The following ZCWPW2 variants were observed in gnomAD, a reference collection of about 807,000 sequenced individuals.
ZCWPW2 encodes zinc finger CW-type PWWP domain protein 2.
Under a neutral mutation model 46.6 loss-of-function variants are expected in ZCWPW2, and 45 were observed. The observed-to-expected ratio is 0.96, with a 90% CI of 0.76 to 1.24. The LOEUF (loss-of-function observed/expected upper bound fraction) is 1.24, where lower values mean the gene tolerates loss of function less well. ZCWPW2 is among the 50% of genes most tolerant of loss of function. The pLI is 0.00. For synonymous variants in ZCWPW2, 152 were observed against 137.1 expected, an observed-to-expected ratio of 1.11 and a Z score of -0.76; for missense variants, 429 against 403.9, an observed-to-expected ratio of 1.06 and a Z score of -0.53.
intron 2 of ZCWPW2, among the ~76,000 whole-genome samples, chr3:28,400,255 G>A (rs990446652): frequency 6.6e-6 from 1 of 151,846 alleles, no homozygotes; most frequent in Non-Finnish European, 1.5e-5. Flanking sequence ...CAACAAAAAA[G>A]AAAATATGAA....
intron 1 of ZCWPW2, among the ~76,000 whole-genome samples, chr3:28,367,841 C>A (rs893185921): frequency 6.6e-6 from 1 of 152,144 alleles, no homozygotes; most frequent in African/African-American, 2.4e-5. Context: ...GTATTGGCTG[C>A]ATATATATTT....
At chr3:28,361,605 T>A (rs894029187) in intron 1 of ZCWPW2, among the ~76,000 whole-genome samples, 2 of 151,730 alleles carry the variant, frequency 1.3e-5, no homozygotes, top group African/African-American at 4.8e-5. Flanking sequence ...ACCTATAGAA[T>A]GGAAGAAAAT....
At chr3:28,371,219 T>C in intron 1 of ZCWPW2, among the ~76,000 whole-genome samples, 1 of 152,202 alleles carries the variant, frequency 6.6e-6, no homozygotes, top group East Asian at 1.9e-4. Flanking sequence ...TATTACAACA[T>C]TCTACCAGTT....
At chr3:28,439,717 A>G (rs1697669992) in intron 4 of ZCWPW2, among the ~76,000 whole-genome samples, 1 of 152,220 alleles carries the variant, frequency 6.6e-6, no homozygotes, top group Non-Finnish European at 1.5e-5. Context: ...TCTTACATAA[A>G]GTTAACAATA....
chr3:28,398,901 C>T (rs1164563160), intron 2 of ZCWPW2, among the ~76,000 whole-genome samples: 1 of 152,224 alleles, frequency 6.6e-6, no homozygotes, highest in Non-Finnish European at 1.5e-5. Context: ...TCCAGCTGAA[C>T]TCTGTAACCA....
At chr3:28,509,883 C>T (rs1700380691) in intron 6 of ZCWPW2, among the ~76,000 whole-genome samples, 2 of 152,010 alleles carry the variant, frequency 1.3e-5, no homozygotes, top group Non-Finnish European at 2.9e-5. Context: ...GCTAAGAAAC[C>T]ATTAACTAAT....
intron 4 of ZCWPW2, among the ~76,000 whole-genome samples, chr3:28,453,849 A>ATTTT (rs202148521): frequency 6.9e-6 from 1 of 144,300 alleles, no homozygotes. Context: ...TTTTTTTATT[A>ATTTT]TTATTTTTTT....
chr3:28,471,062 T>G lies in ZCWPW2; in HGVS notation c.493-7752T>G, dbSNP rs2125796931. 2.0e-5 allele frequency among the ~76,000 whole-genome samples: 3 copies of G among 151,908 alleles called. No homozygotes were observed. In the East Asian group the frequency reaches 5.8e-4, roughly 29 times the overall value. On this transcript the variant is annotated intron_variant, in intron 4 of 9. Coordinates refer to ENST00000383768, the MANE Select transcript of ZCWPW2 (RefSeq NM_001040432.4). ...CTACCAAGATTGCACCACAAAGAAA[T>G]CCACAACTTGAGCAGACCAATAACA... is the stretch of plus-strand genomic sequence containing the variant.
intron 3 of ZCWPW2, among the ~76,000 whole-genome samples, chr3:28,433,777 C>G (rs867255674): frequency 1.3e-5 from 2 of 148,510 alleles, no homozygotes; most frequent in Non-Finnish European, 3.0e-5. Context: ...AAACAAAAAA[C>G]AAAAAACAAA....
chr3:28,384,539 T>C (rs2125712868), intron 1 of ZCWPW2, among the ~76,000 whole-genome samples: 1 of 152,228 alleles, frequency 6.6e-6, no homozygotes, highest in East Asian at 1.9e-4. Context: ...TACTTTATGG[T>C]TTTAATTTTT....
chr3:28,515,739 G>GTGTGTGTA (rs1700547076), intron 8 of ZCWPW2, 118 bp downstream of exon 8: 18 of 787,076 alleles, frequency 2.3e-5, no homozygotes, highest in Non-Finnish European at 3.4e-5. Flanking sequence ...GTGTGTGTGT[G>GTGTGTGTA]TGTGTGTATA....
intron 1 of ZCWPW2, among the ~76,000 whole-genome samples, chr3:28,360,471 C>T (rs746260970): frequency 5.4e-5 from 8 of 147,550 alleles, no homozygotes; most frequent in African/African-American, 1.3e-4. Context: ...TGCAGTGAGT[C>T]GAGATTGCAC....
rs541566756 is a variant in ZCWPW2 at position 28,431,809 on chromosome 3, G to A, written c.333-3301G>A. 7.9e-5 allele frequency among the ~76,000 whole-genome samples: 12 copies of A among 152,260 alleles called. No homozygotes were observed. In the South Asian group the frequency reaches 2.3e-3, roughly 29 times the overall value. On this transcript the variant is annotated intron_variant, in intron 3 of 9. Coordinates refer to ENST00000383768, the MANE Select transcript of ZCWPW2 (RefSeq NM_001040432.4). Reference sequence around the variant, plus strand: ...GCCTGTATTAGTTTGTTCTCACACTGCTAATAAAGACATACTTGAGACTGG... The same window carrying A: ...GCCTGTATTAGTTTGTTCTCACACTACTAATAAAGACATACTTGAGACTGG...
chr3:28,376,251 A>T (rs1383009499), intron 1 of ZCWPW2, among the ~76,000 whole-genome samples: 3 of 152,128 alleles, frequency 2.0e-5, no homozygotes, highest in Admixed American at 6.6e-5. Context: ...CATCTTATAG[A>T]TGTTATTTTA....
intron 4 of ZCWPW2, among the ~76,000 whole-genome samples, chr3:28,467,223 T>A: frequency 6.6e-6 from 1 of 151,958 alleles, no homozygotes. Flanking sequence ...ATGTCCAAAC[T>A]AGTTCTACAA....
intron 1 of ZCWPW2, among the ~76,000 whole-genome samples, chr3:28,388,877 C>G (rs1695379606): frequency 6.6e-6 from 1 of 152,162 alleles, no homozygotes; most frequent in African/African-American, 2.4e-5. Context: ...ACTTTAGTCA[C>G]AGTACGTGGT....
At chr3:28,482,556 AT>A (rs1010538590) in intron 5 of ZCWPW2, among the ~76,000 whole-genome samples, 2 of 151,468 alleles carry the variant, frequency 1.3e-5, no homozygotes, top group African/African-American at 4.9e-5. Flanking sequence ...ATATGTTCAA[AT>A]TTTAAAGAAA....
At chr3:28,491,434 T>A (rs1699808305) in intron 5 of ZCWPW2, among the ~76,000 whole-genome samples, 1 of 152,108 alleles carries the variant, frequency 6.6e-6, no homozygotes, top group Admixed American at 6.6e-5. Flanking sequence ...TACTAATTAT[T>A]CTGTTTTTAG....
At chr3:28,411,990 T>C (rs1358081328) in intron 2 of ZCWPW2, among the ~76,000 whole-genome samples, 1 of 151,992 alleles carries the variant, frequency 6.6e-6, no homozygotes, top group Admixed American at 6.6e-5. Context: ...CTATGGCTAT[T>C]GAAATATATG....
Sources: allele counts gnomAD v4.1 joint callset (sites outside exome capture counted in the v4.1 genomes callset), GRCh38; gene constraint gnomAD v4.1.1; transcripts MANE v1.5; gene names NCBI Gene and HGNC (gene_info 2026-07-23, HGNC 2026-07-21).